MUSK: variants seen among roughly 807,000 people sequenced by gnomAD.
The protein encoded by MUSK is muscle, skeletal receptor tyrosine-protein kinase.
A neutral mutation model predicts 88.7 loss-of-function variants in MUSK; 55 were observed. The observed-to-expected ratio is 0.62, with a 90% CI of 0.50 to 0.78. The LOEUF (loss-of-function observed/expected upper bound fraction) is 0.78. Ranked by LOEUF, MUSK falls within the 30% of genes least tolerant of loss-of-function variation. The pLI, the probability that MUSK is intolerant of heterozygous loss-of-function variation, is 0.00. For synonymous variants in MUSK, 387 were observed against 391.9 expected (o/e 0.99, Z 0.15); for missense variants, 1,015 against 1,074.3 (o/e 0.94, Z 0.77).
chr9:110,764,635 A>ATAGATAGG (rs1205101959), intron 8 of MUSK, among the ~76,000 whole-genome samples: 5 of 150,736 alleles, frequency 3.3e-5, no homozygotes, highest in East Asian at 1.9e-4. Flanking sequence ...AGATAGATAG[A>ATAGATAGG]TAGGTAGGTA....
At chr9:110,705,301 C>T (rs2076583819) in intron 5 of MUSK, among the ~76,000 whole-genome samples, 1 of 152,130 alleles carries the variant, frequency 6.6e-6, no homozygotes, top group Non-Finnish European at 1.5e-5. Context: ...TTTCACAACT[C>T]TTGGATATTG....
rs72756513 is a variant in MUSK at position 110,733,396 on chromosome 9, G to A, written c.629-855G>A. 9.1e-3 allele frequency among the ~76,000 whole-genome samples: 1,390 copies of A among 152,120 alleles called. 10 individuals are homozygous for A. The highest frequency in any genetic ancestry group is 0.017 in the Middle Eastern group (5 of 294). On this transcript the variant is annotated intron_variant, in intron 5 of 14. Transcript: ENST00000374448. ...AGTCTCTTCCAAGTTTAATGATTCT[G>A]TGAATCTAAGTACCCTCCAATTTGT... is the stretch of plus-strand genomic sequence containing the variant.
chr9:110,689,195 T>C (rs1387241072), intron 3 of MUSK, among the ~76,000 whole-genome samples: 2 of 110,010 alleles, frequency 1.8e-5, no homozygotes, highest in Admixed American at 2.1e-4. Context: ...ATATATCATA[T>C]ATATATTCAT....
intron 1 of MUSK, among the ~76,000 whole-genome samples, chr9:110,680,192 G>A (rs2076089077): frequency 6.6e-6 from 1 of 152,006 alleles, no homozygotes. Context: ...TTTTTACGCA[G>A]TCATGTAAAG....
chr9:110,754,732 T>C (rs750249061), intron 7 of MUSK, among the ~76,000 whole-genome samples: 7 of 152,254 alleles, frequency 4.6e-5, no homozygotes, highest in Non-Finnish European at 7.3e-5. Context: ...TCTGGAAGAA[T>C]TTTCCAGTGT....
chr9:110,790,593 A>C (rs930219427), intron 14 of MUSK, among the ~76,000 whole-genome samples: 1 of 152,142 alleles, frequency 6.6e-6, no homozygotes, highest in Non-Finnish European at 1.5e-5. Flanking sequence ...AATAAGAGAG[A>C]ATTGGCTGGA....
Position 110,800,958 on chromosome 9 carries a change from TGA to T in MUSK, c.2584_2585del (p.Arg862GlyfsTer15). ...TTCACCGAATTCTGGAACGCATGTG[TGA>T]GAGGGCAGAGGGAACTGTGAGTGTC... ...SIHRILERMC[E>X]RAEGTVSV On this transcript the variant is annotated frameshift_variant, in exon 15 of 15. Coordinates refer to ENST00000374448, the MANE Select transcript of MUSK (RefSeq NM_005592.4). LOFTEE classifies it high-confidence loss of function. 1 of 1,522,198 alleles carries T rather than the reference TGA, an allele frequency of 6.6e-7. No homozygotes were observed. Among genetic ancestry groups the T allele is most frequent in the Non-Finnish European group, 8.8e-7 (1 of 1,137,076 alleles). 94.3% of individuals were successfully genotyped at this position (1,522,198 alleles called of 1,614,324 possible).
chr9:110,788,478 A>G (rs10817093), intron 14 of MUSK, among the ~76,000 whole-genome samples: 35,074 of 151,820 alleles, frequency 0.23, 4,288 homozygotes, highest in Admixed American at 0.31. Flanking sequence ...CTAAAAATAG[A>G]AAAATTAGCT....
At chr9:110,716,853 A>G (rs2076750863) in intron 5 of MUSK, among the ~76,000 whole-genome samples, 1 of 150,026 alleles carries the variant, frequency 6.7e-6, no homozygotes, top group South Asian at 2.1e-4. Flanking sequence ...TGCAGATTGC[A>G]TTTTTAACCT....
At chr9:110,722,416 G>A (rs2131807570) in intron 5 of MUSK, among the ~76,000 whole-genome samples, 1 of 152,160 alleles carries the variant, frequency 6.6e-6, no homozygotes, top group Non-Finnish European at 1.5e-5. Context: ...TGTAGTCTCA[G>A]CTGCCCTGGA....
chr9:110,761,392 A>G (rs1451847409), intron 7 of MUSK, among the ~76,000 whole-genome samples: 1 of 152,132 alleles, frequency 6.6e-6, no homozygotes, highest in African/African-American at 2.4e-5. Context: ...TGCAGATGCC[A>G]TGCAGCTACC....
intron 5 of MUSK, among the ~76,000 whole-genome samples, chr9:110,700,966 A>G (rs4498626): frequency 0.48 from 72,550 of 152,066 alleles, 17,947 homozygotes; most frequent in East Asian, 0.86. Context: ...TAGGAAGAAA[A>G]GAGAAGAGGG....
At chr9:110,751,548 T>G (rs1308667009) in intron 7 of MUSK, among the ~76,000 whole-genome samples, 1 of 152,092 alleles carries the variant, frequency 6.6e-6, no homozygotes, top group Non-Finnish European at 1.5e-5. Flanking sequence ...CAGAGGTGAG[T>G]GCCTATGAAG....
intron 3 of MUSK, among the ~76,000 whole-genome samples, chr9:110,689,659 A>C: frequency 1.7e-5 from 1 of 60,378 alleles, no homozygotes; most frequent in Non-Finnish European, 2.8e-5. Context: ...ATACCATATA[A>C]TATACATAGT....
intron 1 of MUSK, among the ~76,000 whole-genome samples, chr9:110,672,780 T>C (rs1423484994): frequency 1.3e-5 from 2 of 152,138 alleles, no homozygotes; most frequent in Admixed American, 6.6e-5. Context: ...TACCCAATCA[T>C]TGGGTCATGT....
At position 110,787,842 on chromosome 9, in the gene MUSK, T is replaced by C. The variant is rs759899723; in HGVS notation, c.1927+4T>C. The C allele has an allele frequency of 1.2e-6, 2 of 1,608,382 alleles. No homozygotes were observed. The highest frequency in any genetic ancestry group is 1.7e-5 in the Admixed American group (1 of 59,068). ...CCTAACATTGTGAAGCTATTAGGTA[T>C]GAAAATACAAGTGAGGATATGTATT... On this transcript the variant is annotated splice_donor_region_variant and intron_variant, in intron 14 of 14. Coordinates refer to ENST00000374448, the MANE Select transcript of MUSK (RefSeq NM_005592.4).
At chr9:110,684,516 A>G (rs1216795876) in intron 2 of MUSK, among the ~76,000 whole-genome samples, 1 of 151,802 alleles carries the variant, frequency 6.6e-6, no homozygotes, top group Non-Finnish European at 1.5e-5. Context: ...TCTGTGAAGA[A>G]TGTCATCGGT....
chr9:110,682,888 T>C, intron 2 of MUSK, 88 bp downstream of exon 2: 2 of 944,816 alleles, frequency 2.1e-6, no homozygotes, highest in Admixed American at 2.8e-5. Flanking sequence ...GTAGATGAGA[T>C]GTTTTGATAC....
chr9:110,716,235 T>A lies in MUSK; in HGVS notation c.629-18016T>A, dbSNP rs77452652. On this transcript the variant is annotated intron_variant, in intron 5 of 14. Transcript: ENST00000374448. ...TTTTTGCACTAACCTAATAAAGTGA[T>A]CTTCAGAAAACAGTCTACTTTTTTA... Among the ~76,000 whole-genome samples the A allele has an allele frequency of 7.2e-3, 1,085 of 150,208 alleles. 26 individuals carry two copies. The highest frequency in any genetic ancestry group is 0.011 in the Non-Finnish European group (715 of 67,914).
Sources: allele counts gnomAD v4.1 joint callset (sites outside exome capture counted in the v4.1 genomes callset), GRCh38; gene constraint gnomAD v4.1.1; transcripts MANE v1.5; gene names NCBI Gene and HGNC (gene_info 2026-07-23, HGNC 2026-07-21).